Variants in PPP4C observed in about 807,000 individuals in gnomAD.
PPP4C encodes the protein protein phosphatase 4 catalytic subunit, also known as serine/threonine-protein phosphatase 4 catalytic subunit.
Under a neutral mutation model 40.5 loss-of-function variants are expected in PPP4C, and 10 were observed. The observed-to-expected ratio is 0.25, with a 90% CI of 0.15 to 0.42. The LOEUF (loss-of-function observed/expected upper bound fraction) is 0.42, where lower values mean the gene tolerates loss of function less well. PPP4C is among the 10% of genes least tolerant of loss of function. The pLI, the probability that PPP4C is intolerant of heterozygous loss-of-function variation, is 1.00. For synonymous variants in PPP4C, 187 were observed against 163.6 expected, an observed-to-expected ratio of 1.14 and a Z score of -1.09; for missense variants, 191 against 416.4, an observed-to-expected ratio of 0.46 and a Z score of 4.71.
At position 30,085,041 on chromosome 16, in the gene PPP4C, C is replaced by T. The variant is rs140851150; in HGVS notation, c.903C>T (p.Pro301=). The T allele has an allele frequency of 3.3e-5, 53 of 1,613,924 alleles. No individual in the cohort carries two copies. The Admixed American group carries it at 4.5e-4, about 14-fold the overall frequency. ...QETRGIPSKK[P]VADYFL ...CACGGGGCATCCCCTCCAAGAAGCC[C>T]GTGGCCGACTACTTCCTGTGACCCC... The change falls in exon 9 of 9, where the codon CCC becomes CCT. Residue 301 remains proline (P), a synonymous_variant. Coordinates refer to ENST00000279387, the MANE Select transcript of PPP4C (RefSeq NM_002720.3).
intron 1 of PPP4C, 110 bp from the exon 2 acceptor site, chr16:30,076,205 C>CG (rs1567331074): frequency 1.9e-6 from 1 of 523,056 alleles, no homozygotes; most frequent in African/African-American, 3.8e-5. Flanking sequence ...GTCCTGGGGC[C>CG]GATGTGAGGG....
intron 2 of PPP4C, among the ~76,000 whole-genome samples, chr16:30,077,840 G>A (rs2072430962): frequency 6.6e-6 from 1 of 152,196 alleles, no homozygotes; most frequent in Admixed American, 6.5e-5. Flanking sequence ...TGAGGACGTG[G>A]CAGAGCTGGG....
chr16:30,076,518 CA>C, intron 2 of PPP4C, 43 bp downstream of exon 2: 1 of 1,560,606 alleles, frequency 6.4e-7, no homozygotes, highest in Non-Finnish European at 8.7e-7. Flanking sequence ...AGCCGCCGCC[CA>C]CGGGTTCTGG....
intron 5 of PPP4C, 24 bp downstream of exon 5, chr16:30,082,871 C>T: frequency 1.2e-6 from 2 of 1,605,162 alleles, no homozygotes; most frequent in Non-Finnish European, 1.7e-6. Flanking sequence ...GCTTCTGCAC[C>T]CCCAACCTGG....
intron 2 of PPP4C, among the ~76,000 whole-genome samples, chr16:30,078,197 A>G (rs1340438254): frequency 6.6e-6 from 1 of 152,220 alleles, no homozygotes; most frequent in Non-Finnish European, 1.5e-5. Context: ...AGGAAGTCGT[A>G]TATTCAGTCT....
In PPP4C at chr16:30,076,315, G is replaced by A. The variant is rs1044639988; in HGVS notation, c.-63G>A. The A allele has an allele frequency of 1.3e-6, 2 of 1,536,642 alleles. No individual in the cohort carries two copies. Among genetic ancestry groups the A allele is most frequent in the Admixed American group, 1.8e-5 (1 of 57,140 alleles). ...GCGGGCTCGTCTTGGCCTTTCCCAG[G>A]AGACCCCTGTGCGGTGCGGAGGGGG... is the stretch of plus-strand genomic sequence containing the variant. On this transcript the variant is annotated splice_region_variant and 5_prime_UTR_variant, in exon 2 of 9. Transcript: ENST00000279387.
chr16:30,080,867 C>T (rs1005200321), intron 2 of PPP4C, among the ~76,000 whole-genome samples: 1 of 152,174 alleles, frequency 6.6e-6, no homozygotes, highest in Non-Finnish European at 1.5e-5. Flanking sequence ...ACCCTTGTGT[C>T]TGGATAGCCT....
chr16:30,076,088 A>T lies in PPP4C; in HGVS notation c.-70A>T. The T allele has an allele frequency of 2.3e-6, 1 of 440,182 alleles. No individual in the cohort carries two copies. Among genetic ancestry groups the T allele is most frequent in the African/African-American group, 2.1e-5 (1 of 48,142 alleles). 27.3% of individuals were successfully genotyped at this position (440,182 alleles called of 1,614,324 possible). A position where few individuals can be genotyped will look rare whatever the true frequency, so the allele number is the denominator to read the frequency against. Reference sequence around the variant, plus strand: ...GCCGGAGAGCCGGAACCGGAGTCGCAGCGGCGGTAATAGTGCGAGACTCCT... The same window carrying T: ...GCCGGAGAGCCGGAACCGGAGTCGCTGCGGCGGTAATAGTGCGAGACTCCT... On this transcript the variant is annotated 5_prime_UTR_variant, in exon 1 of 9. Transcript: ENST00000279387.
intron 2 of PPP4C, among the ~76,000 whole-genome samples, chr16:30,077,576 G>A (rs1412012799): frequency 1.3e-5 from 2 of 152,176 alleles, no homozygotes; most frequent in African/African-American, 4.8e-5. Context: ...TGCCTCCTCT[G>A]GGGAACTGTG....
chr16:30,084,872 G>A lies in PPP4C; in HGVS notation c.794+17G>A, dbSNP rs545593944. 3.2e-5 allele frequency: 52 copies of A among 1,613,832 alleles called. No homozygotes were observed. Among genetic ancestry groups the A allele is most frequent in the African/African-American group, 1.6e-4 (12 of 75,056 alleles). On this transcript the variant is annotated intron_variant, in intron 8 of 8. Transcript: ENST00000279387. Reference sequence around the variant, plus strand: ...CTGCTACCGGTGAGCCGGCTGGGCCGGGCTGGGATGGGCGGGCATCTGAGC... The same window carrying A: ...CTGCTACCGGTGAGCCGGCTGGGCCAGGCTGGGATGGGCGGGCATCTGAGC...
In PPP4C at chr16:30,078,356, G is replaced by T. The variant is rs147855867; in HGVS notation, c.98+1881G>T. On this transcript the variant is annotated intron_variant, in intron 2 of 8. Transcript: ENST00000279387. The stretch of plus-strand genomic sequence containing the variant: ...GGAGGGGAAGTTAGTTTTGCATCCA[G>T]GTCTTTGACTGTGCTCCGTGGTCAC... 2.7e-3 allele frequency among the ~76,000 whole-genome samples: 406 copies of T among 152,308 alleles called. 3 individuals carry two copies. Among genetic ancestry groups the T allele is most frequent in the Non-Finnish European group, 3.8e-3 (261 of 68,032 alleles).
At chr16:30,079,506 T>C (rs1438166176) in intron 2 of PPP4C, among the ~76,000 whole-genome samples, 1 of 152,088 alleles carries the variant, frequency 6.6e-6, no homozygotes, top group Non-Finnish European at 1.5e-5. Context: ...GTTTCTTTAC[T>C]GTTACGTGAG....
chr16:30,082,254 C>A (rs924559227), intron 3 of PPP4C, among the ~76,000 whole-genome samples: 4 of 152,120 alleles, frequency 2.6e-5, no homozygotes, highest in African/African-American at 9.7e-5. Context: ...GGACATCTAC[C>A]TGGAAGGACT....
At position 30,082,856 on chromosome 16, in the gene PPP4C, C is replaced by A. The variant is rs747767895; in HGVS notation, c.303+9C>A. On this transcript the variant is annotated intron_variant, in intron 5 of 8. Coordinates refer to ENST00000279387, the MANE Select transcript of PPP4C (RefSeq NM_002720.3). The stretch of plus-strand genomic sequence containing the variant: ...TGCTGCTGGCACTTAAGGTGGCAGT[C>A]CCCGGCTTCTGCACCCCCAACCTGG... 21 of 1,611,978 alleles carry A rather than the reference C, an allele frequency of 1.3e-5. No homozygotes were observed. The highest frequency in any genetic ancestry group is 1.8e-5 in the Non-Finnish European group (21 of 1,178,372).
Position 30,083,011 on chromosome 16 carries a change from G to A in PPP4C, c.303+164G>A, listed in dbSNP as rs2072540518. The A allele has an allele frequency of 3.1e-6, 2 of 643,468 alleles. No individual in the cohort carries two copies. The highest frequency in any genetic ancestry group is 1.8e-5 in the African/African-American group (1 of 54,586). 39.9% of individuals were successfully genotyped at this position (643,468 alleles called of 1,614,324 possible). On this transcript the variant is annotated intron_variant, in intron 5 of 8. Coordinates refer to ENST00000279387, the MANE Select transcript of PPP4C (RefSeq NM_002720.3). The surrounding 1 kb of genome is among the most constrained non-coding windows in gnomAD (Gnocchi z 6.3). ...GGGGGTGGTCAGAGACTTGATGGGG[G>A]TTGAGGCCAGCGGGGCAGCATTCTG... is the stretch of plus-strand genomic sequence containing the variant.
At chr16:30,077,959 G>A (rs562116491) in intron 2 of PPP4C, among the ~76,000 whole-genome samples, 3 of 152,262 alleles carry the variant, frequency 2.0e-5, no homozygotes, top group East Asian at 1.9e-4. Context: ...CCTCTTTTTC[G>A]CCACCTGTCT....
chr16:30,081,145 C>T (rs2072497976), intron 2 of PPP4C, 114 bp from the exon 3 acceptor site: 3 of 1,472,288 alleles, frequency 2.0e-6, no homozygotes, highest in Non-Finnish European at 1.9e-6. Flanking sequence ...ACGCTTCACT[C>T]CTGCCCCCTG....
At position 30,083,845 on chromosome 16, in the gene PPP4C, G is replaced by A. The variant is rs1203969645; in HGVS notation, c.604+64G>A. On this transcript the variant is annotated intron_variant, in intron 7 of 8. Transcript: ENST00000279387. This position sits in a 1 kb window ranked among gnomAD's most constrained non-coding sequence, Gnocchi z 6.3. ...GAGGGGTTGGGAAAGAGAGGGAGCA[G>A]GGCTGGTCTTCACTGTCACTCGTCC... 1.3e-6 allele frequency: 2 copies of A among 1,594,910 alleles called. No individual in the cohort carries two copies. Among genetic ancestry groups the A allele is most frequent in the South Asian group, 1.1e-5 (1 of 90,608 alleles).
intron 3 of PPP4C, 26 bp from the exon 4 acceptor site, chr16:30,082,458 C>G (rs2278557): frequency 0.38 from 615,212 of 1,607,500 alleles, 120,963 homozygotes; most frequent in South Asian, 0.44. Flanking sequence ...TGCTTGAGTT[C>G]CAACCCCACT....
Sources: allele counts gnomAD v4.1 joint callset (sites outside exome capture counted in the v4.1 genomes callset), GRCh38; gene constraint gnomAD v4.1.1; non-coding constraint Gnocchi (gnomAD v3.1); transcripts MANE v1.5; gene names NCBI Gene and HGNC (gene_info 2026-07-23, HGNC 2026-07-21).